RGS5: variants seen among roughly 807,000 people sequenced by gnomAD.
RGS5 encodes regulator of G-protein signalling 5.
A neutral mutation model predicts 18.9 loss-of-function variants in RGS5; 20 were observed. The observed-to-expected ratio is 1.06, with a 90% confidence interval of 0.74 to 1.54. RGS5 has a LOEUF of 1.54. Ranked by LOEUF, RGS5 falls within the 40% of genes most tolerant of loss-of-function variation. The probability of loss-of-function intolerance (pLI) is 0.00; values close to 1 mark genes in which losing one functional copy is unlikely to be tolerated. For synonymous variants in RGS5, 57 were observed against 76.2 expected (o/e 0.75, Z 1.31); for missense variants, 201 against 211.8 (o/e 0.95, Z 0.32).
rs1648159164 is a variant in RGS5 at position 163,253,135 on chromosome 1, A to C, written c.-281+53098T>G. Among the ~76,000 whole-genome samples, 3 of 152,244 alleles carry C rather than the reference A, an allele frequency of 2.0e-5. No individual in the cohort carries two copies. In the Middle Eastern group the frequency reaches 0.01, roughly 518 times the overall value. On this transcript the variant is annotated intron_variant, in intron 2 of 5. Transcript: ENST00000618415. ...TTTTTGCAACATCTTCCTAATAAAA[A>C]CACAAGGTGTTTTCTGCTTTTTCTA...
At chr1:163,271,976 T>G (rs1018526026) in intron 2 of RGS5, among the ~76,000 whole-genome samples, 12 of 152,022 alleles carry the variant, frequency 7.9e-5, no homozygotes, top group African/African-American at 2.7e-4. Context: ...ATTTATTTTT[T>G]TATTTTCCTA....
chr1:163,176,737 T>C (rs892929244), intron 1 of RGS5, among the ~76,000 whole-genome samples: 6 of 152,234 alleles, frequency 3.9e-5, no homozygotes, highest in African/African-American at 7.2e-5. Context: ...CCACATGATG[T>C]ACGCTATAAT....
chr1:163,282,227 A>G (rs1482316910), intron 2 of RGS5, among the ~76,000 whole-genome samples: 1 of 152,172 alleles, frequency 6.6e-6, no homozygotes, highest in Non-Finnish European at 1.5e-5. Flanking sequence ...CGAACAACTC[A>G]ACTCAACAGC....
At chr1:163,234,785 T>A (rs1031770320) in intron 2 of RGS5, among the ~76,000 whole-genome samples, 4 of 152,252 alleles carry the variant, frequency 2.6e-5, no homozygotes, top group African/African-American at 9.6e-5. Context: ...TGGTTTTGTC[T>A]GAGCTGCATT....
intron 2 of RGS5, among the ~76,000 whole-genome samples, chr1:163,247,149 G>T (rs1177449635): frequency 2.0e-5 from 3 of 152,018 alleles, no homozygotes; most frequent in Admixed American, 2.0e-4. Context: ...CATTACCTAG[G>T]TGACAAAATA....
At chr1:163,280,418 A>G (rs1648961783) in intron 2 of RGS5, among the ~76,000 whole-genome samples, 1 of 152,170 alleles carries the variant, frequency 6.6e-6, no homozygotes. Context: ...CAATATAATC[A>G]TCTCAATAGA....
intron 1 of RGS5, among the ~76,000 whole-genome samples, chr1:163,189,533 C>A (rs187853632): frequency 6.6e-6 from 1 of 152,232 alleles, no homozygotes; most frequent in Admixed American, 6.5e-5. Flanking sequence ...AAACAAGGGT[C>A]TTAATACAAC....
rs533364532 is a variant in RGS5, at chr1:163,227,430, G to A, written c.-280-59062C>T. Among the ~76,000 whole-genome samples, 423 of 152,238 alleles carry A rather than the reference G, an allele frequency of 2.8e-3. 7 individuals carry two copies. Among genetic ancestry groups the A allele is most frequent in the Non-Finnish European group, 2.0e-3 (135 of 68,028 alleles). On this transcript the variant is annotated intron_variant, in intron 2 of 5. Transcript: ENST00000618415. ...GATGCTTATACAACCATCAGATCTTGTGAGACTTACTCATTATCACGAGAA... is the reference window on the plus strand; with the variant it reads ...GATGCTTATACAACCATCAGATCTTATGAGACTTACTCATTATCACGAGAA...
intron 1 of RGS5, chr1:163,172,546 A>G: frequency 6.5e-7 from 1 of 1,549,152 alleles, no homozygotes; most frequent in Non-Finnish European, 8.7e-7. Flanking sequence ...TCTTCAGAGC[A>G]GACTAACATA....
intron 1 of RGS5, among the ~76,000 whole-genome samples, chr1:163,195,092 G>A (rs76960476): frequency 0.048 from 7,244 of 152,168 alleles, 237 homozygotes; most frequent in East Asian, 0.12. Flanking sequence ...TCCAGTGTCT[G>A]CCCAAAGGAA....
At chr1:163,304,429 C>T (rs1286320388) in intron 2 of RGS5, 1 of 152,200 alleles carries the variant, frequency 6.6e-6, no homozygotes, top group East Asian at 1.9e-4. Context: ...CTAATCTGAG[C>T]AAAGGTGTTA....
chr1:163,300,063 T>A (rs936636394), intron 2 of RGS5, among the ~76,000 whole-genome samples: 2 of 152,234 alleles, frequency 1.3e-5, no homozygotes, highest in Admixed American at 1.3e-4. Context: ...TCATTAACTT[T>A]CATGTTTCCC....
chr1:163,207,425 C>G (rs1659977783), upstream of RGS5, among the ~76,000 whole-genome samples: 1 of 152,174 alleles, frequency 6.6e-6, no homozygotes, highest in African/African-American at 2.4e-5. Flanking sequence ...AATTATCACA[C>G]AGTCAGACCA....
chr1:163,197,696 T>G (rs1659620368), intron 1 of RGS5, among the ~76,000 whole-genome samples: 1 of 152,198 alleles, frequency 6.6e-6, no homozygotes, highest in Admixed American at 6.6e-5. Flanking sequence ...TCATTCACTT[T>G]CTTAACATTC....
chr1:163,248,906 G>A (rs1199982672), intron 2 of RGS5, among the ~76,000 whole-genome samples: 4 of 152,142 alleles, frequency 2.6e-5, no homozygotes, highest in African/African-American at 9.7e-5. Flanking sequence ...AAATGTCGAG[G>A]AGGAAGCTGA....
At chr1:163,183,537 G>A (rs1384439480) in intron 1 of RGS5, among the ~76,000 whole-genome samples, 1 of 152,150 alleles carries the variant, frequency 6.6e-6, no homozygotes, top group Non-Finnish European at 1.5e-5. Context: ...CACACCTGAA[G>A]GTAAACTCAG....
At chr1:163,263,229 C>A (rs1486648778) in intron 2 of RGS5, among the ~76,000 whole-genome samples, 1 of 152,186 alleles carries the variant, frequency 6.6e-6, no homozygotes, top group Non-Finnish European at 1.5e-5. Flanking sequence ...TATCTAAACT[C>A]ATGGTAATAC....
chr1:163,268,564 C>A (rs571511451), intron 2 of RGS5, among the ~76,000 whole-genome samples: 1 of 152,162 alleles, frequency 6.6e-6, no homozygotes, highest in East Asian at 1.9e-4. Context: ...AATCCAGAAC[C>A]CACATCCCCA....
intron 4 of RGS5, among the ~76,000 whole-genome samples, chr1:163,148,682 C>A (rs1400668457): frequency 6.6e-6 from 1 of 152,178 alleles, no homozygotes. Context: ...GCTTACATGT[C>A]CTGAGTGCAG....
Sources: gnomAD v4.1 joint callset for allele counts (sites outside exome capture counted in the v4.1 genomes callset) on GRCh38, gnomAD v4.1.1 for gene constraint, MANE v1.5 for transcripts, NCBI Gene and HGNC (gene_info 2026-07-23, HGNC 2026-07-21) for gene names.